GALNT16: variants seen among roughly 807,000 people sequenced by gnomAD.
GALNT16 encodes the protein polypeptide N-acetylgalactosaminyltransferase 16.
In GALNT16, 40 loss-of-function variants were observed where a neutral mutation model predicts 76.1. That is an observed-to-expected ratio of 0.53 (90% confidence interval 0.41 to 0.68). The LOEUF (loss-of-function observed/expected upper bound fraction) is 0.68. Ranked by LOEUF, GALNT16 falls within the 30% of genes least tolerant of loss-of-function variation. The probability of loss-of-function intolerance (pLI) is 0.00; values close to 1 mark genes in which losing one functional copy is unlikely to be tolerated. For missense variants in GALNT16, 621 were observed against 731.9 expected (o/e 0.85, Z 1.75); for synonymous variants, 276 against 285.2 (o/e 0.97, Z 0.32).
intron 9 of GALNT16, among the ~76,000 whole-genome samples, chr14:69,338,188 G>A (rs2140187059): frequency 6.6e-6 from 1 of 152,354 alleles, no homozygotes; most frequent in African/African-American, 2.4e-5. Flanking sequence ...GAGGGAGGTT[G>A]GGGCCAGCCC....
chr14:69,271,483 G>GAGTA (rs1414704800), intron 1 of GALNT16, among the ~76,000 whole-genome samples: 10 of 152,242 alleles, frequency 6.6e-5, no homozygotes, highest in African/African-American at 2.4e-4. Context: ...AAGCCAAGCT[G>GAGTA]AGTCACAGGA....
intron 14 of GALNT16, chr14:69,351,444 A>C (rs2045635434): frequency 6.6e-6 from 1 of 152,266 alleles, no homozygotes; most frequent in Non-Finnish European, 1.5e-5. Context: ...CAACCAAGCT[A>C]AATTGTAAAT....
the GALNT16 span, among the ~76,000 whole-genome samples, chr14:69,372,780 A>G: frequency 3.1e-3 from 476 of 152,274 alleles, 4 homozygotes; most frequent in African/African-American, 0.011. Flanking sequence ...ATCAAGCAGG[A>G]CTTTGATCTC....
intron 6 of GALNT16, among the ~76,000 whole-genome samples, chr14:69,329,711 T>C (rs567804890): frequency 6.6e-6 from 1 of 152,256 alleles, no homozygotes; most frequent in East Asian, 1.9e-4. Context: ...GGGAGCTTTA[T>C]TCATGGCAGA....
intron 1 of GALNT16, among the ~76,000 whole-genome samples, chr14:69,281,130 C>T (rs1043082779): frequency 4.6e-5 from 7 of 152,020 alleles, no homozygotes; most frequent in Admixed American, 1.3e-4. Context: ...AGTCCGCGAT[C>T]GTACTTGACC....
chr14:69,295,746 C>T (rs574899315), intron 1 of GALNT16, among the ~76,000 whole-genome samples: 2 of 151,930 alleles, frequency 1.3e-5, no homozygotes, highest in African/African-American at 4.8e-5. Context: ...TTAACATTAA[C>T]ATTTTGCCAT....
chr14:69,384,916 T>C, the GALNT16 span, among the ~76,000 whole-genome samples: 1 of 152,126 alleles, frequency 6.6e-6, no homozygotes, highest in Non-Finnish European at 1.5e-5. Flanking sequence ...AATGATCTCA[T>C]CTCCTACCCT....
intron 9 of GALNT16, among the ~76,000 whole-genome samples, chr14:69,334,904 G>C (rs1472573038): frequency 6.6e-6 from 1 of 152,078 alleles, no homozygotes; most frequent in African/African-American, 2.4e-5. Context: ...TTGGTGGCCT[G>C]TTCTTGCCCT....
the GALNT16 span, among the ~76,000 whole-genome samples, chr14:69,383,667 A>G: frequency 1.8e-4 from 28 of 152,360 alleles, no homozygotes; most frequent in Non-Finnish European, 3.8e-4. Context: ...TACGGTTTTT[A>G]ACACTCTGAA....
At chr14:69,317,889 TG>T (rs1216024863) in intron 1 of GALNT16, among the ~76,000 whole-genome samples, 5 of 152,118 alleles carry the variant, frequency 3.3e-5, no homozygotes, top group African/African-American at 7.2e-5. Context: ...GATCTGGGCA[TG>T]GGAACTGGGG....
chr14:69,320,108 A>C (rs1483690264), intron 1 of GALNT16, among the ~76,000 whole-genome samples: 1 of 152,218 alleles, frequency 6.6e-6, no homozygotes, highest in Non-Finnish European at 1.5e-5. Flanking sequence ...CCCGCAAAGA[A>C]CATTGGTTAA....
chr14:69,287,519 C>T (rs372262740), intron 1 of GALNT16, among the ~76,000 whole-genome samples: 7 of 152,336 alleles, frequency 4.6e-5, no homozygotes, highest in East Asian at 3.9e-4. Flanking sequence ...CAACTGCTCC[C>T]GTAGCCTGAG....
At chr14:69,279,731 A>G (rs1309770509) in intron 1 of GALNT16, among the ~76,000 whole-genome samples, 1 of 152,246 alleles carries the variant, frequency 6.6e-6, no homozygotes. Flanking sequence ...TGGTGGACAC[A>G]GGAAGGAACA....
chr14:69,347,870 C>T lies in GALNT16; in HGVS notation c.1414-7C>T. On this transcript the variant is annotated splice_region_variant and splice_polypyrimidine_tract_variant and intron_variant, in intron 13 of 14. Transcript: ENST00000448469. ...TTGACTTGGCCTTTCTGCTCCCTGCCTTGCAGGCATGGCTGTTCAGTGACC... is the reference window on the plus strand; with the variant it reads ...TTGACTTGGCCTTTCTGCTCCCTGCTTTGCAGGCATGGCTGTTCAGTGACC... 1 of 1,613,060 alleles carries T rather than the reference C, an allele frequency of 6.2e-7. No individual in the cohort carries two copies. Among genetic ancestry groups the T allele is most frequent in the Non-Finnish European group, 8.5e-7 (1 of 1,179,994 alleles).
In GALNT16 at chr14:69,347,168, C is replaced by T. The variant is rs760810166; in HGVS notation, c.1400C>T (p.Pro467Leu). The change falls in exon 13 of 15, where the codon CCG becomes CTG. Residue 467 changes from proline to leucine, a missense_variant. By Grantham distance (98) the Pro-to-Leu change is moderately conservative. Coordinates refer to ENST00000448469, the MANE Select transcript of GALNT16 (RefSeq NM_001168368.2). ...ATCTGCAGAGGGTCTGCCAAGAACC[C>T]GCAGCCCGCCCAGGTAAGGACCTCG... ...MGICRGSAKNPQPAQAWLFSD... is the reference protein window; with the variant it reads ...MGICRGSAKNLQPAQAWLFSD... 9 of 1,609,202 alleles carry T rather than the reference C, an allele frequency of 5.6e-6. No individual in the cohort carries two copies. The highest frequency in any genetic ancestry group is 4.5e-5 in the East Asian group (2 of 44,784).
At chr14:69,342,982 A>G (rs11627504) in intron 12 of GALNT16, among the ~76,000 whole-genome samples, 17,699 of 152,202 alleles carry the variant, frequency 0.12, 1,218 homozygotes, top group East Asian at 0.29. Context: ...ATCTCCCTGA[A>G]CTTGCCTGTA....
intron 2 of GALNT16, among the ~76,000 whole-genome samples, 183 bp from the exon 3 acceptor site, chr14:69,324,509 G>T (rs930079994): frequency 2.0e-5 from 3 of 152,154 alleles, no homozygotes; most frequent in African/African-American, 7.2e-5. Flanking sequence ...GGGTGGCATC[G>T]GGGTTCTGGG....
Position 69,347,153 on chromosome 14 carries a change from G to C in GALNT16, c.1385G>C (p.Gly462Ala). ...DFLLGMGICRGSAKNPQPAQA... is the reference protein window; with the variant it reads ...DFLLGMGICRASAKNPQPAQA... ...CTGCTTGGAATGGGGATCTGCAGAGGGTCTGCCAAGAACCCGCAGCCCGCC... is the reference window on the plus strand; with the variant it reads ...CTGCTTGGAATGGGGATCTGCAGAGCGTCTGCCAAGAACCCGCAGCCCGCC... The change falls in exon 13 of 15, where the codon GGG (glycine) becomes GCG (alanine). Residue 462 changes from glycine to alanine, a missense_variant. Gly to Ala is a moderately conservative substitution (Grantham distance 60). Coordinates refer to ENST00000448469, the MANE Select transcript of GALNT16 (RefSeq NM_001168368.2). 4 of 1,612,722 alleles carry C rather than the reference G, an allele frequency of 2.5e-6. No individual in the cohort carries two copies. Among genetic ancestry groups the C allele is most frequent in the Non-Finnish European group, 3.4e-6 (4 of 1,179,110 alleles).
At chr14:69,356,554 CTTTTT>C (rs763230954), downstream of GALNT16, 35,896 of 117,720 alleles carry the variant, frequency 0.3, 5,454 homozygotes, top group Middle Eastern at 0.42. Flanking sequence ...GCTGTGAGCT[CTTTTT>C]TTTTTTTTTT....
Sources: allele counts gnomAD v4.1 joint callset (sites outside exome capture counted in the v4.1 genomes callset), GRCh38; gene constraint gnomAD v4.1.1; transcripts MANE v1.5; gene names NCBI Gene and HGNC (gene_info 2026-07-23, HGNC 2026-07-21).